TAFA2: variants seen among roughly 807,000 people sequenced by gnomAD.
TAFA2 encodes the protein chemokine-like protein TAFA-2.
Under a neutral mutation model 18.8 loss-of-function variants are expected in TAFA2, and 7 were observed. That is an observed-to-expected ratio of 0.37 (90% CI 0.21 to 0.70). TAFA2 has a LOEUF of 0.70. Ranked by LOEUF, TAFA2 falls within the 30% of genes least tolerant of loss-of-function variation. The pLI, the probability that TAFA2 is intolerant of heterozygous loss-of-function variation, is 0.53. For synonymous variants in TAFA2, 60 were observed against 54.2 expected, an observed-to-expected ratio of 1.11 and a Z score of -0.47; for missense variants, 122 against 158.1, an observed-to-expected ratio of 0.77 and a Z score of 1.23.
rs527490320 is a variant in TAFA2 at position 61,904,205 on chromosome 12, A to G, written c.-1-36779T>C. Among the ~76,000 whole-genome samples the G allele has an allele frequency of 2.1e-3, 313 of 152,178 alleles. 1 individual carries two copies. Among genetic ancestry groups the G allele is most frequent in the African/African-American group, 6.7e-3 (280 of 41,542 alleles). On this transcript the variant is annotated intron_variant, in intron 1 of 4. Transcript: ENST00000416284. ...TGTTCTAAAAAATATAACACACACAATGGGTCCTCAGACTGTGCAGCCACC... is the reference window on the plus strand; with the variant it reads ...TGTTCTAAAAAATATAACACACACAGTGGGTCCTCAGACTGTGCAGCCACC...
At chr12:61,904,704 C>T (rs1398760205) in intron 1 of TAFA2, among the ~76,000 whole-genome samples, 1 of 152,146 alleles carries the variant, frequency 6.6e-6, no homozygotes, top group Non-Finnish European at 1.5e-5. Flanking sequence ...TTCCCCCTAG[C>T]AACTTACGGT....
chr12:62,212,029 C>T (rs1054476970), intron 1 of TAFA2, among the ~76,000 whole-genome samples: 2 of 152,016 alleles, frequency 1.3e-5, no homozygotes, highest in Non-Finnish European at 2.9e-5. Context: ...TATTAGTGAC[C>T]CACTTCACAA....
chr12:61,805,120 T>C (rs536297795), intron 2 of TAFA2, among the ~76,000 whole-genome samples: 2 of 152,038 alleles, frequency 1.3e-5, no homozygotes, highest in Non-Finnish European at 2.9e-5. Context: ...AGGGTATATG[T>C]CTGGTATTTA....
rs141762663 is a variant in TAFA2, at chr12:62,221,021, A to G, written c.-130+37742T>C. ...AGGGAGGCTGAGGCAGGAGAATGGC[A>G]TGAACCCGGGAGGCGGAGCTTGCAG... On this transcript the variant is annotated intron_variant, in intron 1 of 5. Transcript: ENST00000551619. Among the ~76,000 whole-genome samples, 705 of 151,848 alleles carry G rather than the reference A, an allele frequency of 4.6e-3. 7 individuals carry two copies. Among genetic ancestry groups the G allele is most frequent in the African/African-American group, 0.016 (655 of 41,424 alleles).
intron 1 of TAFA2, among the ~76,000 whole-genome samples, chr12:62,033,839 C>T (rs1460338084): frequency 6.6e-6 from 1 of 152,168 alleles, no homozygotes; most frequent in African/African-American, 2.4e-5. Context: ...TATGTACCTA[C>T]TCCAAGTACA....
In TAFA2 at chr12:62,113,833, G is replaced by A. The variant is rs369358837; in HGVS notation, c.-2+77426C>T. 6.6e-5 allele frequency among the ~76,000 whole-genome samples: 10 copies of A among 152,262 alleles called. No individual in the cohort carries two copies. In the East Asian group the frequency reaches 7.7e-4, roughly 12 times the overall value. On this transcript the variant is annotated intron_variant, in intron 1 of 4. Transcript: ENST00000416284. ...TACTCAAGCCTCAGTAGTGCTGACC[G>A]CCCCTCCCCCAACCAAGCTCGAGCA...
At chr12:61,763,203 C>A (rs561440767) in intron 2 of TAFA2, among the ~76,000 whole-genome samples, 1 of 151,868 alleles carries the variant, frequency 6.6e-6, no homozygotes, top group African/African-American at 2.4e-5. Context: ...AACCAAGTGC[C>A]GATGACATGT....
chr12:61,746,594 C>G (rs1170828711), intron 4 of TAFA2, among the ~76,000 whole-genome samples: 1 of 151,610 alleles, frequency 6.6e-6, no homozygotes, highest in African/African-American at 2.4e-5. Flanking sequence ...AGAGACCCAC[C>G]TGAGCTACAC....
intron 4 of TAFA2, among the ~76,000 whole-genome samples, chr12:61,731,254 C>T (rs1391475911): frequency 6.6e-6 from 1 of 152,102 alleles, no homozygotes; most frequent in Non-Finnish European, 1.5e-5. Context: ...AACTTGGGTA[C>T]TGAGTTTTTT....
intron 1 of TAFA2, among the ~76,000 whole-genome samples, chr12:61,893,860 T>C (rs1055740958): frequency 2.0e-5 from 3 of 152,242 alleles, no homozygotes; most frequent in Non-Finnish European, 4.4e-5. Flanking sequence ...AAAAAAATTA[T>C]TCATGTTCTC....
intron 4 of TAFA2, among the ~76,000 whole-genome samples, chr12:61,713,731 T>C (rs1869519646): frequency 6.6e-6 from 1 of 152,100 alleles, no homozygotes. Context: ...AACAAAAATA[T>C]CAACCTTTTA....
At chr12:62,184,607 C>T (rs4763160) in intron 1 of TAFA2, among the ~76,000 whole-genome samples, 2 of 148,910 alleles carry the variant, frequency 1.3e-5, no homozygotes, top group Non-Finnish European at 3.0e-5. Flanking sequence ...GATCCTCCCC[C>T]CTCTCAGCCT....
intron 2 of TAFA2, among the ~76,000 whole-genome samples, chr12:61,830,455 A>G (rs907335408): frequency 6.6e-6 from 1 of 151,766 alleles, no homozygotes; most frequent in African/African-American, 2.4e-5. Context: ...AGCAATAAGG[A>G]TATAACTGGA....
intron 1 of TAFA2, among the ~76,000 whole-genome samples, chr12:62,105,357 T>C (rs1431419610): frequency 6.6e-6 from 1 of 152,230 alleles, no homozygotes; most frequent in African/African-American, 2.4e-5. Context: ...AATAAGCCTT[T>C]GTTTTCCTGC....
At chr12:62,189,112 G>A (rs778698205) in intron 1 of TAFA2, among the ~76,000 whole-genome samples, 1 of 151,784 alleles carries the variant, frequency 6.6e-6, no homozygotes, top group Non-Finnish European at 1.5e-5. Flanking sequence ...ACATATCGTA[G>A]CACTCTACAT....
intron 4 of TAFA2, among the ~76,000 whole-genome samples, chr12:61,727,353 T>G (rs1400156517): frequency 1.3e-5 from 1 of 75,082 alleles, no homozygotes; most frequent in Non-Finnish European, 3.5e-5. Flanking sequence ...GTCCTGGACC[T>G]TTTTTTTTTG....
At chr12:61,941,779 C>T (rs1306794387) in intron 1 of TAFA2, among the ~76,000 whole-genome samples, 2 of 152,240 alleles carry the variant, frequency 1.3e-5, no homozygotes, top group Non-Finnish European at 2.9e-5. Flanking sequence ...AGACTATATC[C>T]CACACCTGGC....
intron 1 of TAFA2, among the ~76,000 whole-genome samples, chr12:62,232,831 C>T (rs2062817769): frequency 6.6e-6 from 1 of 151,942 alleles, no homozygotes; most frequent in African/African-American, 2.4e-5. Context: ...TCTTATCCAC[C>T]CACTGTCCTA....
At chr12:61,981,111 T>C (rs547288991) in intron 1 of TAFA2, among the ~76,000 whole-genome samples, 2 of 152,082 alleles carry the variant, frequency 1.3e-5, no homozygotes, top group East Asian at 1.9e-4. Context: ...AAAATAGATA[T>C]ATAGATGAAT....
Sources: allele counts gnomAD v4.1 joint callset (sites outside exome capture counted in the v4.1 genomes callset), GRCh38; gene constraint gnomAD v4.1.1; transcripts MANE v1.5; gene names NCBI Gene and HGNC (gene_info 2026-07-23, HGNC 2026-07-21).